Variants in NATD1 observed in about 807,000 individuals in gnomAD.
The protein encoded by NATD1 is N-acetyltransferase domain containing 1, also known as protein NATD1.
Under a neutral mutation model 12.0 loss-of-function variants are expected in NATD1, and 9 were observed. The observed-to-expected ratio is 0.75, with a 90% confidence interval of 0.45 to 1.30. The LOEUF (loss-of-function observed/expected upper bound fraction) is 1.30. Among genes scored for constraint, NATD1 ranks in the 50% most tolerant of loss-of-function variants. The probability of loss-of-function intolerance (pLI) is 0.00; values close to 1 mark genes in which losing one functional copy is unlikely to be tolerated. For missense variants in NATD1, 148 were observed against 148.5 expected, an observed-to-expected ratio of 1.00 and a Z score of 0.02; for synonymous variants, 71 against 65.9, an observed-to-expected ratio of 1.08 and a Z score of -0.37.
Position 21,244,041 on chromosome 17 carries a change from T to C in NATD1, c.225+65A>G. 1 of 1,440,342 alleles carries C rather than the reference T, an allele frequency of 6.9e-7. No individual in the cohort carries two copies. Among genetic ancestry groups the C allele is most frequent in the South Asian group, 1.3e-5 (1 of 77,762 alleles). The allele number at this position is 1,440,342 out of a possible 1,614,324, so 89.2% of individuals were successfully genotyped here. A position where few individuals can be genotyped will look rare whatever the true frequency, so the allele number is the denominator to read the frequency against. ...AGTGGCCACCAGGGCCACCGTCTCC[T>C]CGGAGCGAAGGTGGCAGCCCCCATG... On this transcript the variant is annotated intron_variant, in intron 2 of 2. Coordinates refer to ENST00000611551, the MANE Select transcript of NATD1 (RefSeq NM_152914.3). This position sits in a 1 kb window ranked among gnomAD's most constrained non-coding sequence, Gnocchi z 5.2.
intron 1 of NATD1, among the ~76,000 whole-genome samples, chr17:21,246,350 C>G (rs1272190190): frequency 2.0e-5 from 3 of 152,042 alleles, no homozygotes; most frequent in Non-Finnish European, 4.4e-5. Context: ...CCCATCTCTA[C>G]TAAAGATACA....
rs1015545177 is a variant in NATD1, at chr17:21,239,605, C to A, written c.*3708G>T. On this transcript the variant is annotated 3_prime_UTR_variant, in exon 3 of 3. Coordinates refer to ENST00000611551, the MANE Select transcript of NATD1 (RefSeq NM_152914.3). ...AGGTGTTCAAGACCAGCCTGGCCAA[C>A]ATGGTGAAACCCCGTCTCTACTAAA... 1 of 152,244 alleles carries A rather than the reference C, an allele frequency of 6.6e-6. No homozygotes were observed. The highest frequency in any genetic ancestry group is 1.5e-5 in the Non-Finnish European group (1 of 68,066). 9.4% of individuals were successfully genotyped at this position (152,244 alleles called of 1,614,324 possible). A position where few individuals can be genotyped will look rare whatever the true frequency, so the allele number is the denominator to read the frequency against.
chr17:21,249,686 T>G (rs1205212496), intron 1 of NATD1, among the ~76,000 whole-genome samples: 1 of 151,992 alleles, frequency 6.6e-6, no homozygotes, highest in South Asian at 2.1e-4. Flanking sequence ...TTGCAGCAAG[T>G]GGGACACTCA....
intron 1 of NATD1, among the ~76,000 whole-genome samples, chr17:21,249,220 G>T (rs902424958): frequency 6.6e-6 from 1 of 152,136 alleles, no homozygotes; most frequent in African/African-American, 2.4e-5. Context: ...AGATCAAAAC[G>T]CGAATATACA....
intron 1 of NATD1, among the ~76,000 whole-genome samples, chr17:21,247,569 G>A (rs1486559561): frequency 6.6e-6 from 1 of 152,192 alleles, no homozygotes; most frequent in Non-Finnish European, 1.5e-5. Context: ...TGATCATCCC[G>A]GGACAGGTCA....
chr17:21,246,243 G>C lies in NATD1; in HGVS notation c.107-2019C>G, dbSNP rs528986986. ...ATAAATAATACAGGGGCCAGGCACGGTGACCCACTCCTATAATCCCAGCAC... is the reference window on the plus strand; with the variant it reads ...ATAAATAATACAGGGGCCAGGCACGCTGACCCACTCCTATAATCCCAGCAC... On this transcript the variant is annotated intron_variant, in intron 1 of 2. Coordinates refer to ENST00000611551, the MANE Select transcript of NATD1 (RefSeq NM_152914.3). Among the ~76,000 whole-genome samples, 7 of 152,242 alleles carry C rather than the reference G, an allele frequency of 4.6e-5. No individual in the cohort carries two copies. The South Asian group carries it at 1.5e-3, about 32-fold the overall frequency.
chr17:21,249,516 G>A (rs1321322239), intron 1 of NATD1, among the ~76,000 whole-genome samples: 1 of 152,176 alleles, frequency 6.6e-6, no homozygotes, highest in Non-Finnish European at 1.5e-5. Context: ...ACCTCCCAAA[G>A]CCTGGGGCTG....
At chr17:21,249,221 C>T (rs939211197) in intron 1 of NATD1, among the ~76,000 whole-genome samples, 1 of 152,116 alleles carries the variant, frequency 6.6e-6, no homozygotes, top group Non-Finnish European at 1.5e-5. Flanking sequence ...GATCAAAACG[C>T]GAATATACAG....
chr17:21,243,962 C>T (rs904206971), intron 2 of NATD1, 144 bp downstream of exon 2: 2 of 661,282 alleles, frequency 3.0e-6, no homozygotes, highest in African/African-American at 3.7e-5. Context: ...GGAGCCTGGG[C>T]CCAGAAAGGC....
In NATD1 at chr17:21,239,421, C is replaced by CTG. The variant is rs4021059; in HGVS notation, c.*3891_*3892insCA. 0.7 allele frequency: 106,085 copies of CTG among 151,172 alleles called. 38,072 individuals are homozygous for CTG. Among genetic ancestry groups the CTG allele is most frequent in the Middle Eastern group, 0.82 (240 of 294 alleles). 9.4% of individuals were successfully genotyped at this position (151,172 alleles called of 1,614,324 possible). A position where few individuals can be genotyped will look rare whatever the true frequency, so the allele number is the denominator to read the frequency against. On this transcript the variant is annotated 3_prime_UTR_variant, in exon 3 of 3. Transcript: ENST00000611551. ...TGGCTTTGGCTTGTGACCCCCGACT[C>CTG]AGCCTCAGTATCATCTATCAAATAG...
chr17:21,244,825 C>T lies in NATD1; in HGVS notation c.107-601G>A, dbSNP rs1021289793. Among the ~76,000 whole-genome samples, 3 of 152,202 alleles carry T rather than the reference C, an allele frequency of 2.0e-5. No homozygotes were observed. The highest frequency in any genetic ancestry group is 6.5e-5 in the Admixed American group (1 of 15,284). On this transcript the variant is annotated intron_variant, in intron 1 of 2. Transcript: ENST00000611551. The surrounding 1 kb of genome is among the most constrained non-coding windows in gnomAD (Gnocchi z 5.2). ...CACCAGGCCTGCCAAGCCTGGAGCT[C>T]ACCAGTCCACCCCAAACTGCTGCTG...
Position 21,244,201 on chromosome 17 carries a change from G to A in NATD1, c.130C>T (p.Leu44Phe). Reference protein sequence around the residue: ...LNGCHDRAVLLYEYVGKRIVD... With the variant: ...LNGCHDRAVLFYEYVGKRIVD... ...ATCCGCTTGCCCACGTACTCATAGA[G>A]CAGGACGGCCCGGTCATGACATCCT... Residue 44 changes from leucine (L) to phenylalanine (F), a missense_variant, in exon 2 of 3, where the codon CTC becomes TTC. Physicochemically the swap from Leu to Phe is conservative, Grantham distance 22. Coordinates refer to ENST00000611551, the MANE Select transcript of NATD1 (RefSeq NM_152914.3). The surrounding 1 kb of genome is among the most constrained non-coding windows in gnomAD (Gnocchi z 5.2). 6.2e-7 allele frequency: 1 copy of A among 1,612,816 alleles called. No individual in the cohort carries two copies. The highest frequency in any genetic ancestry group is 2.2e-5 in the East Asian group (1 of 44,794).
In NATD1 at chr17:21,244,131, C is replaced by T. The variant is rs561994426; in HGVS notation, c.200G>A (p.Arg67His). The part of the protein sequence containing the change: ...HTEVPDAYRG[R>H]GIAKHLAKAA... ...CTTGGCAAGGTGCTTGGCGATGCCA[C>T]GCCCACGGTAGGCATCTGGGACCTC... is the stretch of plus-strand genomic sequence containing the variant. Residue 67 changes from arginine (R) to histidine (H), a missense_variant, in exon 2 of 3, where the codon CGT becomes CAT. Arg to His is a conservative substitution (Grantham distance 29). Transcript: ENST00000611551. This position sits in a 1 kb window ranked among gnomAD's most constrained non-coding sequence, Gnocchi z 5.2. 84 of 1,612,822 alleles carry T rather than the reference C, an allele frequency of 5.2e-5. 1 individual carries two copies. The highest frequency in any genetic ancestry group is 2.7e-4 in the East Asian group (12 of 44,826).
intron 1 of NATD1, among the ~76,000 whole-genome samples, chr17:21,249,605 T>C (rs1359838455): frequency 6.6e-6 from 1 of 152,194 alleles, no homozygotes; most frequent in Non-Finnish European, 1.5e-5. Context: ...TCAGTCTTCC[T>C]GGCTGCAAAA....
chr17:21,248,268 C>A (rs992274595), intron 1 of NATD1, among the ~76,000 whole-genome samples: 1 of 152,192 alleles, frequency 6.6e-6, no homozygotes, highest in African/African-American at 2.4e-5. Flanking sequence ...TACCGGTCCT[C>A]ACGCTCAACT....
At chr17:21,248,743 AGAC>A (rs1975349682) in intron 1 of NATD1, among the ~76,000 whole-genome samples, 1 of 152,114 alleles carries the variant, frequency 6.6e-6, no homozygotes, top group Admixed American at 6.5e-5. Context: ...TCCAGACCTC[AGAC>A]TAGCACAGGG....
chr17:21,244,074 C>A lies in NATD1; in HGVS notation c.225+32G>T. ...AAGGTGGCAGCCCCCATGTCCCCGT[C>A]CCCGCTTGGCCCTGCCACCTGCCTG... is the stretch of plus-strand genomic sequence containing the variant. On this transcript the variant is annotated intron_variant, in intron 2 of 2. Transcript: ENST00000611551. This position sits in a 1 kb window ranked among gnomAD's most constrained non-coding sequence, Gnocchi z 5.2. 6.3e-7 allele frequency: 1 copy of A among 1,579,596 alleles called. No individual in the cohort carries two copies. Among genetic ancestry groups the A allele is most frequent in the Non-Finnish European group, 8.6e-7 (1 of 1,157,682 alleles).
chr17:21,253,050 C>G (rs1975393290), intron 1 of NATD1, 109 bp downstream of exon 1: 1 of 491,424 alleles, frequency 2.0e-6, no homozygotes, highest in Non-Finnish European at 2.6e-6. Flanking sequence ...GGCGGCGGGC[C>G]GGAGCCGGGC....
At chr17:21,248,848 G>A (rs1052252625) in intron 1 of NATD1, among the ~76,000 whole-genome samples, 5 of 152,144 alleles carry the variant, frequency 3.3e-5, no homozygotes, top group Non-Finnish European at 7.4e-5. Flanking sequence ...GTGATCTTAT[G>A]CCAGTCCTGA....
Sources: gnomAD v4.1 joint callset for allele counts (sites outside exome capture counted in the v4.1 genomes callset) on GRCh38, gnomAD v4.1.1 for gene constraint, Gnocchi (gnomAD v3.1) non-coding constraint, MANE v1.5 for transcripts, NCBI Gene and HGNC (gene_info 2026-07-23, HGNC 2026-07-21) for gene names.